MSH4: variants seen among roughly 807,000 people sequenced by gnomAD.
MSH4 encodes mutS protein homolog 4.
In MSH4, 106 loss-of-function variants were observed where a neutral mutation model predicts 113.7. That is an observed-to-expected ratio of 0.93 (90% CI 0.80 to 1.10). MSH4 has a LOEUF of 1.10. Ranked by LOEUF, MSH4 falls within the 50% of genes least tolerant of loss-of-function variation. The probability of loss-of-function intolerance (pLI) is 0.00; values close to 1 mark genes in which losing one functional copy is unlikely to be tolerated. For missense variants in MSH4, 1,061 were observed against 1,093.7 expected (o/e 0.97, Z 0.42); for synonymous variants, 368 against 380.2 (o/e 0.97, Z 0.37).
intron 15 of MSH4, among the ~76,000 whole-genome samples, chr1:75,885,482 C>G (rs1447669698): frequency 1.1e-5 from 1 of 88,780 alleles, no homozygotes; most frequent in African/African-American, 4.3e-5. Flanking sequence ...CACACACACA[C>G]AAACACTGGG....
chr1:75,877,545 G>T (rs1238260469), intron 10 of MSH4, among the ~76,000 whole-genome samples: 1 of 152,112 alleles, frequency 6.6e-6, no homozygotes, highest in Non-Finnish European at 1.5e-5. Context: ...GCCACACATT[G>T]AAGTTAATAA....
intron 8 of MSH4, among the ~76,000 whole-genome samples, chr1:75,864,303 C>G (rs1413390951): frequency 6.6e-6 from 1 of 152,134 alleles, no homozygotes; most frequent in African/African-American, 2.4e-5. Flanking sequence ...TTTTTGCAAT[C>G]AGAAATAATA....
intron 8 of MSH4, among the ~76,000 whole-genome samples, chr1:75,866,055 T>A (rs1318273896): frequency 6.6e-6 from 1 of 152,224 alleles, no homozygotes; most frequent in Non-Finnish European, 1.5e-5. Context: ...GACTCTGTTT[T>A]TACGTCAATA....
At chr1:75,891,510 G>A (rs1160759074) in intron 17 of MSH4, among the ~76,000 whole-genome samples, 1 of 152,048 alleles carries the variant, frequency 6.6e-6, no homozygotes, top group African/African-American at 2.4e-5. Context: ...CTGGAGTGCA[G>A]TGGCGCAATC....
intron 15 of MSH4, among the ~76,000 whole-genome samples, chr1:75,885,364 T>C (rs1652052617): frequency 7.6e-6 from 1 of 130,760 alleles, no homozygotes; most frequent in African/African-American, 2.9e-5. Context: ...TATAAAGGTA[T>C]GTAACATTTT....
intron 8 of MSH4, among the ~76,000 whole-genome samples, chr1:75,850,741 T>G (rs1313830315): frequency 6.6e-6 from 1 of 152,124 alleles, no homozygotes; most frequent in Non-Finnish European, 1.5e-5. Context: ...TTTTGTTTTG[T>G]TTTTCTATTT....
chr1:75,883,516 T>C, intron 14 of MSH4, 105 bp from the exon 15 acceptor site: 2 of 859,668 alleles, frequency 2.3e-6, no homozygotes, highest in Non-Finnish European at 3.5e-6. Flanking sequence ...TATTCCAAAT[T>C]GACCAGTGTG....
chr1:75,912,670 ATATATTTT>A lies in MSH4; in HGVS notation c.2620-24_2620-17del. The A allele has an allele frequency of 8.0e-7, 1 of 1,244,002 alleles. No individual in the cohort carries two copies. The allele number at this position is 1,244,002 out of a possible 1,614,324, so 77.1% of individuals were successfully genotyped here. A position where few individuals can be genotyped will look rare whatever the true frequency, so the allele number is the denominator to read the frequency against. The stretch of plus-strand genomic sequence containing the variant: ...AATTATGGTATTTGTGTATATATAT[ATATATTTT>A]TTTTTTTTCAATGACAGCAAAACCA... On this transcript the variant is annotated intron_variant, in intron 19 of 19. Transcript: ENST00000263187.
At chr1:75,868,147 G>A (rs1238680898) in intron 9 of MSH4, among the ~76,000 whole-genome samples, 1 of 152,028 alleles carries the variant, frequency 6.6e-6, no homozygotes, top group South Asian at 2.1e-4. Context: ...GCTTTCTCCT[G>A]ATTAAATTCA....
At position 75,819,792 on chromosome 1, in the gene MSH4, C is replaced by T. The variant is rs1429937710; in HGVS notation, c.990-2617C>T. ...GTGGCGCAATCTCGGCTCACTGCAA[C>T]CTCCGCCTCCCGGGTTCAAGTGATT... On this transcript the variant is annotated intron_variant, in intron 6 of 19. Transcript: ENST00000263187. Among the ~76,000 whole-genome samples, 3 of 152,150 alleles carry T rather than the reference C, an allele frequency of 2.0e-5. No individual in the cohort carries two copies. The East Asian group carries it at 5.8e-4, about 29-fold the overall frequency.
intron 2 of MSH4, 29 bp from the exon 3 acceptor site, chr1:75,806,952 A>T: frequency 6.6e-7 from 1 of 1,522,208 alleles, no homozygotes; most frequent in South Asian, 1.3e-5. Flanking sequence ...ATCAATGTTT[A>T]TATCTTTTCT....
chr1:75,881,261 G>A lies in MSH4; in HGVS notation c.1797G>A (p.Leu599=), dbSNP rs761438898. 6.2e-7 allele frequency: 1 copy of A among 1,605,754 alleles called. No homozygotes were observed. The highest frequency in any genetic ancestry group is 8.5e-7 in the Non-Finnish European group (1 of 1,174,140). The change falls in exon 14 of 20, where the codon CTG becomes CTA. Residue 599 remains leucine (L), a synonymous_variant. Coordinates refer to ENST00000263187, the MANE Select transcript of MSH4 (RefSeq NM_002440.4). ...YHMTYMIVCK[L]LSEIYEHIHC... is the part of the protein sequence containing the mutation. ...GTGTTTTCAGGATAGTGTGCAAACT[G>A]CTTAGTGAGATTTATGAACATATTC...
At chr1:75,912,574 ATTAG>A in intron 19 of MSH4, 118 bp from the exon 20 acceptor site, 1 of 495,742 alleles carries the variant, frequency 2.0e-6, no homozygotes, top group East Asian at 3.8e-5. Context: ...GTTCAAAGGA[ATTAG>A]TTAACCCTTG....
At chr1:75,800,882 G>A (rs1011687700) in intron 1 of MSH4, among the ~76,000 whole-genome samples, 3 of 152,180 alleles carry the variant, frequency 2.0e-5, no homozygotes, top group South Asian at 2.1e-4. Context: ...TATGCTGTCC[G>A]ATGTGGTAAC....
chr1:75,897,891 CTG>C lies in MSH4; in HGVS notation c.2356-14_2356-13del, dbSNP rs1330490919. 2 of 1,422,630 alleles carry C rather than the reference CTG, an allele frequency of 1.4e-6. No individual in the cohort carries two copies. Among genetic ancestry groups the C allele is most frequent in the African/African-American group, 2.9e-5 (2 of 68,430 alleles). 88.1% of individuals were successfully genotyped at this position (1,422,630 alleles called of 1,614,324 possible). A position where few individuals can be genotyped will look rare whatever the true frequency, so the allele number is the denominator to read the frequency against. ...TTTTTAAAGTACTAATATTCATTGT[CTG>C]TTATATATTCCAGGCATTTACACTG... On this transcript the variant is annotated splice_polypyrimidine_tract_variant and intron_variant, in intron 17 of 19. Transcript: ENST00000263187.
intron 6 of MSH4, among the ~76,000 whole-genome samples, chr1:75,821,552 G>A (rs551573773): frequency 6.6e-6 from 1 of 152,266 alleles, no homozygotes; most frequent in South Asian, 2.1e-4. Flanking sequence ...AAATAACTAA[G>A]ATCAGAGCAG....
chr1:75,874,559 C>A (rs1651776401), intron 9 of MSH4, among the ~76,000 whole-genome samples: 1 of 152,110 alleles, frequency 6.6e-6, no homozygotes, highest in Non-Finnish European at 1.5e-5. Flanking sequence ...TGGGCTCAAG[C>A]AATCCACCTG....
At chr1:75,892,844 C>T (rs923629094) in intron 17 of MSH4, among the ~76,000 whole-genome samples, 1 of 152,148 alleles carries the variant, frequency 6.6e-6, no homozygotes, top group Non-Finnish European at 1.5e-5. Flanking sequence ...ACCTGGGATC[C>T]ATGGATCCCT....
At chr1:75,885,049 G>GTATATATATATATATATA (rs1431311570) in intron 15 of MSH4, among the ~76,000 whole-genome samples, 5 of 109,050 alleles carry the variant, frequency 4.6e-5, no homozygotes, top group African/African-American at 2.3e-4. Flanking sequence ...GTGTGTGTGT[G>GTATATATATATATATATA]TGTGTGTGTG....
Sources: gnomAD v4.1 joint callset for allele counts (sites outside exome capture counted in the v4.1 genomes callset) on GRCh38, gnomAD v4.1.1 for gene constraint, MANE v1.5 for transcripts, NCBI Gene and HGNC (gene_info 2026-07-23, HGNC 2026-07-21) for gene names.